The following ITGB2 variants were observed in gnomAD, a reference collection of about 807,000 sequenced individuals.
ITGB2 encodes the protein integrin beta-2.
A neutral mutation model predicts 86.8 loss-of-function variants in ITGB2; 56 were observed. That is an observed-to-expected ratio of 0.65 (90% CI 0.52 to 0.81). The LOEUF (loss-of-function observed/expected upper bound fraction) is 0.81. Ranked by LOEUF, ITGB2 falls within the 30% of genes least tolerant of loss-of-function variation. The probability of loss-of-function intolerance (pLI) is 0.00; values close to 1 mark genes in which losing one functional copy is unlikely to be tolerated. For synonymous variants in ITGB2, 457 were observed against 450.4 expected (o/e 1.01, Z -0.19); for missense variants, 948 against 1,061.2 (o/e 0.89, Z 1.48).
At chr21:44,896,224 AT>A (rs1441183824) in intron 8 of ITGB2, among the ~76,000 whole-genome samples, 1 of 152,246 alleles carries the variant, frequency 6.6e-6, no homozygotes, top group Admixed American at 6.5e-5. Context: ...GTTGGCCAGA[AT>A]TTCCACCACA....
intron 3 of ITGB2, chr21:44,908,108 G>A: frequency 1.4e-6 from 1 of 723,244 alleles, no homozygotes; most frequent in Non-Finnish European, 2.6e-6. Context: ...TCCGAGGACA[G>A]ACGGGAGCCA....
rs1187360310 is a variant in ITGB2 at position 44,890,032 on chromosome 21, C to T, written c.1603G>A (p.Glu535Lys). Residue 535 changes from glutamate to lysine, a missense_variant, in exon 12 of 16, where the codon GAG becomes AAG. Physicochemically the swap from Glu to Lys is moderately conservative, Grantham distance 56. Transcript: ENST00000652462. Reference protein sequence around the residue: ...PGKLIYGQYCECDTINCERYN... With the variant: ...PGKLIYGQYCKCDTINCERYN... Reference sequence around the variant, plus strand: ...CGCTCACAGTTGATGGTGTCACACTCGCAGTACTGCCCGTATATCAGCTTG... The same window carrying T: ...CGCTCACAGTTGATGGTGTCACACTTGCAGTACTGCCCGTATATCAGCTTG... The T allele has an allele frequency of 5.6e-6, 9 of 1,613,394 alleles. No homozygotes were observed. Among genetic ancestry groups the T allele is most frequent in the African/African-American group, 1.3e-5 (1 of 74,924 alleles).
At position 44,891,841 on chromosome 21, in the gene ITGB2, A is replaced by T. The variant is rs142565171; in HGVS notation, c.1380T>A (p.His460Gln). 3 of 1,609,786 alleles carry T rather than the reference A, an allele frequency of 1.9e-6. No homozygotes were observed. In the African/African-American group the frequency reaches 4.0e-5, roughly 21 times the overall value. Reference sequence around the variant, plus strand: ...TGCCGCACTCCAAGAAGCCCTTGCCATGGCAGAGGCTGCGGTCTCTGCTCT... The same window carrying T: ...TGCCGCACTCCAAGAAGCCCTTGCCTTGGCAGAGGCTGCGGTCTCTGCTCT... ...RDQSRDRSLC[H>Q]GKGFLECGIC... Residue 460 changes from histidine to glutamine, a missense_variant, in exon 11 of 16, where the codon CAT (histidine) becomes CAA (glutamine). Transcript: ENST00000652462.
Position 44,886,082 on chromosome 21 carries a change from T to A in ITGB2, c.*286A>T. 2 of 526,240 alleles carry A rather than the reference T, an allele frequency of 3.8e-6. No individual in the cohort carries two copies. Among genetic ancestry groups the A allele is most frequent in the South Asian group, 4.2e-5 (2 of 47,874 alleles). The allele number at this position is 526,240 out of a possible 1,614,324, so 32.6% of individuals were successfully genotyped here. A position where few individuals can be genotyped will look rare whatever the true frequency, so the allele number is the denominator to read the frequency against. ...GTAAATAAATTGGCACCACCTTTAA[T>A]CAGACTGATGTCCTGACTTGCACAG... On this transcript the variant is annotated 3_prime_UTR_variant, in exon 16 of 16. Coordinates refer to ENST00000652462, the MANE Select transcript of ITGB2 (RefSeq NM_000211.5).
chr21:44,900,918 C>T (rs974812431), intron 6 of ITGB2, among the ~76,000 whole-genome samples: 9 of 152,312 alleles, frequency 5.9e-5, no homozygotes, highest in African/African-American at 1.2e-4. Context: ...GGGGGCCGTG[C>T]GTGTCCTAGG....
chr21:44,900,930 T>A (rs1471344564), intron 6 of ITGB2, among the ~76,000 whole-genome samples: 1 of 152,204 alleles, frequency 6.6e-6, no homozygotes, highest in Non-Finnish European at 1.5e-5. Context: ...TGTCCTAGGC[T>A]GTGACCTCAC....
chr21:44,895,841 A>AAAATGAAATG (rs71199643), intron 8 of ITGB2, among the ~76,000 whole-genome samples: 49 of 129,326 alleles, frequency 3.8e-4, no homozygotes, highest in Middle Eastern at 8.3e-3. Context: ...TCAATAAAAT[A>AAAATGAAATG]AAATGAAATG....
chr21:44,912,339 G>A (rs547447561), intron 1 of ITGB2, among the ~76,000 whole-genome samples: 12 of 152,204 alleles, frequency 7.9e-5, no homozygotes, highest in Non-Finnish European at 1.2e-4. Flanking sequence ...TCCATCCCCC[G>A]AAAGCCCTGC....
At chr21:44,886,981 C>A (rs1384800243) in intron 14 of ITGB2, 79 bp from the exon 15 acceptor site, 40 of 1,555,598 alleles carry the variant, frequency 2.6e-5, no homozygotes, top group Non-Finnish European at 3.5e-5. Context: ...CGAGGTCACC[C>A]CACAACACAG....
rs1266082043 is a variant in ITGB2, at chr21:44,888,362, CA to C, written c.2080+330del. On this transcript the variant is annotated intron_variant, in intron 14 of 15. Transcript: ENST00000652462. ...GGACCTGCAACTGCAAGCCTTGCCC[CA>C]TGAGGCATCCAGCGGGAGATGGCCC... Among the ~76,000 whole-genome samples, 16 of 152,374 alleles carry C rather than the reference CA, an allele frequency of 1.1e-4. No homozygotes were observed. The South Asian group carries it at 2.9e-3, about 28-fold the overall frequency.
At chr21:44,909,869 G>C (rs2084102367) in intron 3 of ITGB2, among the ~76,000 whole-genome samples, 1 of 152,232 alleles carries the variant, frequency 6.6e-6, no homozygotes, top group Non-Finnish European at 1.5e-5. Flanking sequence ...GATAAGGGCT[G>C]TGTTTGGTGG....
In ITGB2 at chr21:44,891,819, C is replaced by T. The variant is rs754683051; in HGVS notation, c.1402G>A (p.Gly468Ser). 1.9e-5 allele frequency: 30 copies of T among 1,606,030 alleles called. No individual in the cohort carries two copies. Among genetic ancestry groups the T allele is most frequent in the African/African-American group, 1.2e-4 (9 of 74,928 alleles). ...LCHGKGFLEC[G>S]ICRCDTGYIG... The stretch of plus-strand genomic sequence containing the variant: ...CTGCGCCCGCCTCACCTGCAGATGC[C>T]GCACTCCAAGAAGCCCTTGCCATGG... The change falls in exon 11 of 16, where the codon GGC becomes AGC. Residue 468 changes from glycine to serine, a missense_variant. Physicochemically the swap from Gly to Ser is moderately conservative, Grantham distance 56. Transcript: ENST00000652462.
At chr21:44,901,812 C>A in intron 5 of ITGB2, 79 bp from the exon 6 acceptor site, 1 of 1,486,262 alleles carries the variant, frequency 6.7e-7, no homozygotes, top group Non-Finnish European at 9.1e-7. Flanking sequence ...GGCACGAGGG[C>A]AAGCCTGTTT....
intron 1 of ITGB2, among the ~76,000 whole-genome samples, chr21:44,917,321 A>G (rs2084226419): frequency 6.6e-6 from 1 of 152,122 alleles, no homozygotes; most frequent in Non-Finnish European, 1.5e-5. Flanking sequence ...AAAAAAAGAG[A>G]GACACAGTTC....
Position 44,910,266 on chromosome 21 carries a change from GGTCCAGGAGGCACT to G in ITGB2, c.147+4_147+17del, listed in dbSNP as rs1276138397. 1 of 1,612,214 alleles carries G rather than the reference GGTCCAGGAGGCACT, an allele frequency of 6.2e-7. No individual in the cohort carries two copies. The highest frequency in any genetic ancestry group is 1.3e-5 in the African/African-American group (1 of 74,870). ...CCCAGGAGCTGGGCAGGTGGGGAGG[GGTCCAGGAGGCACT>G]TACCAGCTTCTGGCACCAGGTGCAG... On this transcript the variant is annotated splice_donor_5th_base_variant and intron_variant, in intron 3 of 15. Coordinates refer to ENST00000652462, the MANE Select transcript of ITGB2 (RefSeq NM_000211.5).
At chr21:44,893,383 G>A in intron 10 of ITGB2, 21 bp downstream of exon 10, 1 of 1,613,016 alleles carries the variant, frequency 6.2e-7, no homozygotes, top group Non-Finnish European at 8.5e-7. Flanking sequence ...CTGGGATGGG[G>A]ACCCTTGTGG....
intron 10 of ITGB2, chr21:44,893,019 T>TG (rs35004247): frequency 0.54 from 152,397 of 282,802 alleles, 42,433 homozygotes; most frequent in African/African-American, 0.65. Flanking sequence ...CCCAGGGATT[T>TG]GGGCTCCAGG....
intron 14 of ITGB2, 116 bp from the exon 15 acceptor site, chr21:44,887,018 G>C (rs987812370): frequency 2.3e-6 from 3 of 1,292,130 alleles, no homozygotes; most frequent in Admixed American, 1.9e-5. Flanking sequence ...GGTTCCCAGG[G>C]CCCCGGCTCA....
chr21:44,886,468 A>G, intron 15 of ITGB2, 38 bp from the exon 16 acceptor site: 1 of 1,597,766 alleles, frequency 6.3e-7, no homozygotes, highest in Non-Finnish European at 8.6e-7. Context: ...TGAGTGTGGG[A>G]GGTTTTCAGA....
Sources: allele counts gnomAD v4.1 joint callset (sites outside exome capture counted in the v4.1 genomes callset), GRCh38; gene constraint gnomAD v4.1.1; transcripts MANE v1.5; gene names NCBI Gene and HGNC (gene_info 2026-07-23, HGNC 2026-07-21).